The following DLC1 variants were observed in gnomAD, a reference collection of about 807,000 sequenced individuals.
DLC1 encodes DLC1 Rho GTPase activating protein.
Under a neutral mutation model 140.3 loss-of-function variants are expected in DLC1, and 54 were observed. The ratio of observed to expected loss-of-function variants is 0.38; its 90% confidence interval spans 0.31 to 0.48. DLC1 has a LOEUF of 0.48. Ranked by LOEUF, DLC1 falls within the 20% of genes least tolerant of loss-of-function variation. The pLI is 0.96. For synonymous variants in DLC1, 986 were observed against 728.1 expected, an observed-to-expected ratio of 1.35 and a Z score of -5.70; for missense variants, 2,536 against 1,907.0, an observed-to-expected ratio of 1.33 and a Z score of -6.14.
chr8:13,445,084 G>A (rs938930750), intron 2 of DLC1, among the ~76,000 whole-genome samples: 1 of 151,928 alleles, frequency 6.6e-6, no homozygotes, highest in Non-Finnish European at 1.5e-5. Context: ...GGAGAGAGAG[G>A]GGAAGAGAGT....
intron 5 of DLC1, chr8:13,304,576 ATCACAAATG>A: frequency 5.5e-6 from 4 of 723,066 alleles, no homozygotes; most frequent in Non-Finnish European, 5.1e-6. Context: ...GCTCTTAAAA[ATCACAAATG>A]TCTACAAACT....
chr8:13,583,181 T>C (rs578179873), intron 1 of DLC1, among the ~76,000 whole-genome samples: 1 of 152,256 alleles, frequency 6.6e-6, no homozygotes, highest in East Asian at 1.9e-4. Context: ...AAGATTTCCC[T>C]GCAGCATGAG....
intron 4 of DLC1, among the ~76,000 whole-genome samples, chr8:13,363,691 A>C (rs1249412238): frequency 6.6e-6 from 1 of 152,186 alleles, no homozygotes; most frequent in Non-Finnish European, 1.5e-5. Context: ...GAAAAAAATC[A>C]CCAGCATGCA....
chr8:13,543,347 GT>G (rs1803548474), intron 1 of DLC1, among the ~76,000 whole-genome samples: 1 of 152,160 alleles, frequency 6.6e-6, no homozygotes, highest in Non-Finnish European at 1.5e-5. Context: ...GAAGTAGATA[GT>G]TTAGACCTAA....
intron 5 of DLC1, among the ~76,000 whole-genome samples, chr8:13,155,316 T>A (rs1265676711): frequency 6.6e-6 from 1 of 151,900 alleles, no homozygotes; most frequent in Non-Finnish European, 1.5e-5. Context: ...TGCCTGTAGG[T>A]TTTTTATGGT....
intron 2 of DLC1, among the ~76,000 whole-genome samples, chr8:13,404,374 G>A (rs1260244801): frequency 1.3e-5 from 2 of 152,062 alleles, no homozygotes; most frequent in Non-Finnish European, 2.9e-5. Context: ...TGCATAATTG[G>A]CCCGTTCGAG....
chr8:13,261,055 C>T (rs78027216), intron 5 of DLC1, among the ~76,000 whole-genome samples: 8,367 of 152,292 alleles, frequency 0.055, 341 homozygotes, highest in Non-Finnish European at 0.088. Flanking sequence ...TTTCTAAGCA[C>T]TAGGAATATG....
intron 4 of DLC1, among the ~76,000 whole-genome samples, chr8:13,358,781 T>G (rs1178227936): frequency 6.6e-6 from 1 of 152,124 alleles, no homozygotes; most frequent in Non-Finnish European, 1.5e-5. Context: ...GCACTAGAGA[T>G]GGCCATTTTC....
intron 5 of DLC1, among the ~76,000 whole-genome samples, chr8:13,258,949 A>G (rs1830368754): frequency 6.6e-6 from 1 of 152,036 alleles, no homozygotes; most frequent in Non-Finnish European, 1.5e-5. Flanking sequence ...CATCCTGGCT[A>G]ACACGGTGAA....
At chr8:13,273,606 C>G (rs11993810) in intron 5 of DLC1, among the ~76,000 whole-genome samples, 7 of 151,518 alleles carry the variant, frequency 4.6e-5, no homozygotes, top group Admixed American at 4.6e-4. Flanking sequence ...CTCCCTGTTT[C>G]GTGTAGAAGG....
At chr8:13,546,142 A>G (rs1241225937) in intron 1 of DLC1, among the ~76,000 whole-genome samples, 1 of 152,110 alleles carries the variant, frequency 6.6e-6, no homozygotes, top group Admixed American at 6.6e-5. Flanking sequence ...TATAGGGCTC[A>G]TGGTCAGTTT....
intron 4 of DLC1, among the ~76,000 whole-genome samples, chr8:13,323,218 T>C (rs1833197673): frequency 6.6e-6 from 1 of 152,208 alleles, no homozygotes; most frequent in Non-Finnish European, 1.5e-5. Flanking sequence ...AAATTTGCTA[T>C]GCAGCAAAAA....
intron 4 of DLC1, among the ~76,000 whole-genome samples, chr8:13,388,112 T>A (rs1378902515): frequency 1.3e-5 from 2 of 152,088 alleles, no homozygotes; most frequent in Admixed American, 1.3e-4. Flanking sequence ...AATTCCAGAA[T>A]AAGAATTGTT....
At chr8:13,133,091 T>G in intron 5 of DLC1, 1 of 1,513,282 alleles carries the variant, frequency 6.6e-7, no homozygotes, top group Non-Finnish European at 8.9e-7. Flanking sequence ...GCCCTCGCGG[T>G]CCTCAACGCA....
At chr8:13,226,120 C>G (rs1463906967) in intron 5 of DLC1, among the ~76,000 whole-genome samples, 1 of 152,062 alleles carries the variant, frequency 6.6e-6, no homozygotes, top group Non-Finnish European at 1.5e-5. Context: ...TGCTGTGTTG[C>G]CCAGGCTAGT....
Position 13,479,859 on chromosome 8 carries a change from GAGAAA to G in DLC1, c.1023+19185_1023+19189del, listed in dbSNP as rs1800625367. Among the ~76,000 whole-genome samples, 3 of 32,176 alleles carry G rather than the reference GAGAAA, an allele frequency of 9.3e-5. 1 individual carries two copies. The highest frequency in any genetic ancestry group is 6.9e-4 in the Admixed American group (3 of 4,334). The allele number at this position is 32,176 out of a possible 152,430, so 21.1% of individuals were successfully genotyped here. ...AGAAGAAGAAGAAGAAGAAGAAGAAGAGAAAAAGAAAGAAAGAAAGAAAGAAAGAA... is the reference window on the plus strand; with the variant it reads ...AGAAGAAGAAGAAGAAGAAGAAGAAGAAGAAAGAAAGAAAGAAAGAAAGAA... On this transcript the variant is annotated intron_variant, in intron 2 of 17. Coordinates refer to ENST00000276297, the MANE Select transcript of DLC1 (RefSeq NM_182643.3).
At chr8:13,098,777 G>C (rs553597113) in intron 9 of DLC1, among the ~76,000 whole-genome samples, 24 of 152,222 alleles carry the variant, frequency 1.6e-4, no homozygotes, top group South Asian at 4.1e-4. Flanking sequence ...CACCACATCT[G>C]ACTCATTTTT....
chr8:13,501,216 C>A (rs72603983), intron 1 of DLC1, among the ~76,000 whole-genome samples: 5,208 of 152,100 alleles, frequency 0.034, 314 homozygotes, highest in East Asian at 0.22. Context: ...TAGAATATGG[C>A]CATAAAATTT....
chr8:13,298,783 C>T (rs146549246), intron 5 of DLC1, among the ~76,000 whole-genome samples: 16 of 152,228 alleles, frequency 1.1e-4, no homozygotes, highest in East Asian at 3.9e-4. Flanking sequence ...ACTTGAGTGA[C>T]GGGGAAAGCT....
Sources: allele counts gnomAD v4.1 joint callset (sites outside exome capture counted in the v4.1 genomes callset), GRCh38; gene constraint gnomAD v4.1.1; transcripts MANE v1.5; gene names NCBI Gene and HGNC (gene_info 2026-07-23, HGNC 2026-07-21).